The following MACC1 variants were observed in gnomAD, a reference collection of about 807,000 sequenced individuals.
MACC1 encodes the protein metastasis-associated in colon cancer protein 1.
In MACC1, 79 loss-of-function variants were observed where a neutral mutation model predicts 70.7. The ratio of observed to expected loss-of-function variants is 1.12; its 90% CI spans 0.93 to 1.35. The LOEUF (loss-of-function observed/expected upper bound fraction) is 1.35, where lower values mean the gene tolerates loss of function less well. MACC1 is among the 40% of genes most tolerant of loss of function. MACC1 has a pLI of 0.00. For missense variants in MACC1, 1,106 were observed against 978.1 expected (o/e 1.13, Z -1.74); for synonymous variants, 361 against 347.2 (o/e 1.04, Z -0.44).
intron 1 of MACC1, among the ~76,000 whole-genome samples, chr7:20,196,173 T>C (rs186297406): frequency 1.3e-3 from 191 of 151,938 alleles, no homozygotes; most frequent in Non-Finnish European, 2.0e-3. Context: ...AATTTTCAGG[T>C]TTTTTTTAAA....
At chr7:20,206,897 G>A (rs113676006) in intron 1 of MACC1, among the ~76,000 whole-genome samples, 3,414 of 152,140 alleles carry the variant, frequency 0.022, 117 homozygotes, top group African/African-American at 0.078. Flanking sequence ...TACCTCCTCC[G>A]GCCCCCCAGT....
rs58352135 is a variant in MACC1, at chr7:20,171,586, GT to G, written c.-217-809del. Reference sequence around the variant, plus strand: ...TTCTTTCTTAGAGACAATTATATCTGTTTTTTTTTTTTTGAGATGGAGTCTC... The same window carrying G: ...TTCTTTCTTAGAGACAATTATATCTGTTTTTTTTTTTTGAGATGGAGTCTC... On this transcript the variant is annotated intron_variant, in intron 1 of 6. Transcript: ENST00000400331. Among the ~76,000 whole-genome samples the G allele has an allele frequency of 5.6e-4, 72 of 129,616 alleles. 1 individual carries two copies. The highest frequency in any genetic ancestry group is 5.7e-3 in the Middle Eastern group (1 of 174). 85.0% of individuals were successfully genotyped at this position (129,616 alleles called of 152,430 possible). A position where few individuals can be genotyped will look rare whatever the true frequency, so the allele number is the denominator to read the frequency against.
chr7:20,154,517 C>T, intron 5 of MACC1, 136 bp from the exon 6 acceptor site: 1 of 890,200 alleles, frequency 1.1e-6, no homozygotes, highest in East Asian at 2.7e-5. Context: ...TTTTCTAAAG[C>T]TCAAGGAGTT....
At chr7:20,207,582 T>C (rs914791427) in intron 1 of MACC1, among the ~76,000 whole-genome samples, 7 of 152,228 alleles carry the variant, frequency 4.6e-5, no homozygotes, top group Admixed American at 1.3e-4. Context: ...CTAGGATTTT[T>C]GAACGATGTG....
chr7:20,178,129 T>C (rs1304956272), intron 1 of MACC1, among the ~76,000 whole-genome samples: 1 of 152,144 alleles, frequency 6.6e-6, no homozygotes, highest in Non-Finnish European at 1.5e-5. Flanking sequence ...TACTTACTTA[T>C]AAATATTCAT....
Position 20,136,365 on chromosome 7 carries a change from T to A in MACC1, c.*4581A>T, listed in dbSNP as rs1010367620. Reference sequence around the variant, plus strand: ...ATTATCCAGTGCTAACCTCTCTGTCTCTACTCCCTCACATATAAACTGACA... The same window carrying A: ...ATTATCCAGTGCTAACCTCTCTGTCACTACTCCCTCACATATAAACTGACA... On this transcript the variant is annotated 3_prime_UTR_variant, in exon 7 of 7. Coordinates refer to ENST00000400331, the MANE Select transcript of MACC1 (RefSeq NM_182762.4). 2.0e-5 allele frequency: 3 copies of A among 152,232 alleles called. No homozygotes were observed. Among genetic ancestry groups the A allele is most frequent in the Non-Finnish European group, 4.4e-5 (3 of 68,032 alleles). 9.4% of individuals were successfully genotyped at this position (152,232 alleles called of 1,614,324 possible). A position where few individuals can be genotyped will look rare whatever the true frequency, so the allele number is the denominator to read the frequency against.
At chr7:20,155,472 T>C (rs1455665657) in intron 5 of MACC1, among the ~76,000 whole-genome samples, 2 of 152,194 alleles carry the variant, frequency 1.3e-5, no homozygotes, top group East Asian at 3.8e-4. Flanking sequence ...GCCTCTCTCT[T>C]TCAAAATACC....
intron 6 of MACC1, among the ~76,000 whole-genome samples, chr7:20,147,182 A>G (rs564268578): frequency 1.3e-5 from 2 of 152,352 alleles, no homozygotes; most frequent in East Asian, 1.9e-4. Context: ...CAAAACATAC[A>G]TAGTTTTCCA....
At chr7:20,211,318 G>C (rs1273346989) in intron 1 of MACC1, among the ~76,000 whole-genome samples, 2 of 151,990 alleles carry the variant, frequency 1.3e-5, no homozygotes, top group Non-Finnish European at 2.9e-5. Context: ...TAAGTACTCA[G>C]TTGGTACTAA....
rs868399231 is a variant in MACC1, at chr7:20,135,490, G to A, written c.*5456C>T. On this transcript the variant is annotated 3_prime_UTR_variant, in exon 7 of 7. Coordinates refer to ENST00000400331, the MANE Select transcript of MACC1 (RefSeq NM_182762.4). ...ATCTTTCCATTTCTATAGAGATGAAGGAAATTTTAATACAGTGGTTCTCAA... is the reference window on the plus strand; with the variant it reads ...ATCTTTCCATTTCTATAGAGATGAAAGAAATTTTAATACAGTGGTTCTCAA... 10 of 152,296 alleles carry A rather than the reference G, an allele frequency of 6.6e-5. No individual in the cohort carries two copies. Among genetic ancestry groups the A allele is most frequent in the Admixed American group, 2.0e-4 (3 of 15,292 alleles). 9.4% of individuals were successfully genotyped at this position (152,296 alleles called of 1,614,324 possible).
intron 6 of MACC1, among the ~76,000 whole-genome samples, chr7:20,150,920 C>T (rs1381138040): frequency 5.9e-5 from 9 of 151,994 alleles, no homozygotes; most frequent in Non-Finnish European, 7.4e-5. Flanking sequence ...TGGTGGCATG[C>T]GCCTGTAATC....
At chr7:20,162,147 A>G (rs901871731) in intron 3 of MACC1, among the ~76,000 whole-genome samples, 4 of 151,992 alleles carry the variant, frequency 2.6e-5, no homozygotes, top group African/African-American at 9.7e-5. Context: ...TTCCAAGGAC[A>G]ACAACAACAA....
chr7:20,141,288 T>A, intron 6 of MACC1, 130 bp from the exon 7 acceptor site: 1 of 559,846 alleles, frequency 1.8e-6, no homozygotes, highest in Non-Finnish European at 3.0e-6. Flanking sequence ...CATGGACTTA[T>A]TTGATGTCAT....
chr7:20,137,984 C>G lies in MACC1; in HGVS notation c.*2962G>C, dbSNP rs1286222534. 1 of 151,666 alleles carries G rather than the reference C, an allele frequency of 6.6e-6. No individual in the cohort carries two copies. The highest frequency in any genetic ancestry group is 1.5e-5 in the Non-Finnish European group (1 of 67,974). 9.4% of individuals were successfully genotyped at this position (151,666 alleles called of 1,614,324 possible). On this transcript the variant is annotated 3_prime_UTR_variant, in exon 7 of 7. Transcript: ENST00000400331. Reference sequence around the variant, plus strand: ...TCTGGCCAAAATGGTAAAACCTTGTCTCCACTAAAAATACAAAAATTACCC... The same window carrying G: ...TCTGGCCAAAATGGTAAAACCTTGTGTCCACTAAAAATACAAAAATTACCC...
rs1781718064 is a variant in MACC1, at chr7:20,136,394, T to A, written c.*4552A>T. The A allele has an allele frequency of 6.6e-6, 1 of 152,236 alleles. No individual in the cohort carries two copies. Among genetic ancestry groups the A allele is most frequent in the Admixed American group, 6.5e-5 (1 of 15,288 alleles). The allele number at this position is 152,236 out of a possible 1,614,324, so 9.4% of individuals were successfully genotyped here. A position where few individuals can be genotyped will look rare whatever the true frequency, so the allele number is the denominator to read the frequency against. On this transcript the variant is annotated 3_prime_UTR_variant, in exon 7 of 7. Transcript: ENST00000400331. ...CTCCCTCACATATAAACTGACACTA[T>A]TATTCAAAATTACAAAACTATTTAT...
At chr7:20,166,215 T>C (rs1280343524) in intron 2 of MACC1, among the ~76,000 whole-genome samples, 1 of 152,236 alleles carries the variant, frequency 6.6e-6, no homozygotes, top group African/African-American at 2.4e-5. Flanking sequence ...TATGTGATAA[T>C]AAAAACATGT....
chr7:20,144,065 T>A (rs867064662), intron 6 of MACC1, among the ~76,000 whole-genome samples: 2 of 152,244 alleles, frequency 1.3e-5, no homozygotes, highest in Non-Finnish European at 2.9e-5. Context: ...GTGTACAAAA[T>A]CATTGGTAGC....
chr7:20,158,175 A>G (rs1782082263), intron 5 of MACC1, 29 bp downstream of exon 5: 2 of 1,528,384 alleles, frequency 1.3e-6, no homozygotes, highest in South Asian at 1.3e-5. Context: ...CTCGATGGCA[A>G]TTCATTACCA....
At chr7:20,147,322 T>A (rs924629304) in intron 6 of MACC1, 1 of 152,176 alleles carries the variant, frequency 6.6e-6, no homozygotes, top group Non-Finnish European at 1.5e-5. Flanking sequence ...GCTTATAAAA[T>A]ATGAATAGCA....
Sources: allele counts gnomAD v4.1 joint callset (sites outside exome capture counted in the v4.1 genomes callset), GRCh38; gene constraint gnomAD v4.1.1; transcripts MANE v1.5; gene names NCBI Gene and HGNC (gene_info 2026-07-23, HGNC 2026-07-21).